The following CSMD1 variants were observed in gnomAD, a reference collection of about 807,000 sequenced individuals.
CSMD1 encodes the protein CUB and sushi domain-containing protein 1.
CSMD1 carries 213 observed loss-of-function variants against 417.5 expected under a neutral mutation model. That is an observed-to-expected ratio of 0.51 (90% CI 0.46 to 0.57). The LOEUF (loss-of-function observed/expected upper bound fraction) is 0.57. CSMD1 is among the 20% of genes least tolerant of loss of function. The probability of loss-of-function intolerance (pLI) is 0.00; values close to 1 mark genes in which losing one functional copy is unlikely to be tolerated. For missense variants in CSMD1, 6,923 were observed against 4,529.7 expected (o/e 1.53, Z -15.17); for synonymous variants, 2,862 against 1,736.8 (o/e 1.65, Z -16.11).
intron 68 of CSMD1, among the ~76,000 whole-genome samples, chr8:2,944,859 T>C (rs55949625): frequency 0.012 from 1,760 of 152,020 alleles, 29 homozygotes; most frequent in South Asian, 0.026. Context: ...TTTTTTAATC[T>C]GAAAACAAAG....
intron 5 of CSMD1, among the ~76,000 whole-genome samples, chr8:3,817,279 T>C (rs1160238621): frequency 0.015 from 1,023 of 69,744 alleles, 68 homozygotes; most frequent in African/African-American, 0.063. Context: ...TTTTTTTTTT[T>C]TTTTTTTTTT....
At chr8:3,490,591 C>A (rs951557559) in intron 11 of CSMD1, among the ~76,000 whole-genome samples, 1 of 152,022 alleles carries the variant, frequency 6.6e-6, no homozygotes, top group African/African-American at 2.4e-5. Flanking sequence ...TTTCTATTTC[C>A]CACAGGCTGG....
chr8:3,489,837 C>T (rs1818269259), intron 11 of CSMD1, among the ~76,000 whole-genome samples: 1 of 152,094 alleles, frequency 6.6e-6, no homozygotes, highest in African/African-American at 2.4e-5. Flanking sequence ...ATATTTCCCA[C>T]AAAATGGAAA....
At chr8:4,465,928 G>C (rs566153462) in intron 2 of CSMD1, among the ~76,000 whole-genome samples, 2 of 152,174 alleles carry the variant, frequency 1.3e-5, no homozygotes, top group Non-Finnish European at 1.5e-5. Context: ...AGAAGGAAAA[G>C]TCAGTAGAGA....
intron 3 of CSMD1, among the ~76,000 whole-genome samples, chr8:4,216,582 C>T (rs570257445): frequency 6.6e-6 from 1 of 152,252 alleles, no homozygotes; most frequent in East Asian, 1.9e-4. Context: ...CCAACGGAGC[C>T]CTCCAGATGG....
chr8:3,156,811 A>G (rs1819564203), intron 39 of CSMD1, among the ~76,000 whole-genome samples: 1 of 151,956 alleles, frequency 6.6e-6, no homozygotes, highest in African/African-American at 2.4e-5. Flanking sequence ...GTAGGTTAGG[A>G]TTCCATGGAG....
intron 12 of CSMD1, among the ~76,000 whole-genome samples, chr8:3,425,603 AAG>A (rs1813789433): frequency 3.3e-5 from 5 of 149,950 alleles, no homozygotes; most frequent in African/African-American, 7.4e-5. Flanking sequence ...AAAAAAAAAA[AAG>A]AAGAAAGAAA....
chr8:3,877,475 A>G (rs558702295), intron 5 of CSMD1, among the ~76,000 whole-genome samples: 2 of 152,218 alleles, frequency 1.3e-5, no homozygotes, highest in East Asian at 1.9e-4. Context: ...AGCTCTCTCA[A>G]TTTGCTTCTA....
intron 3 of CSMD1, among the ~76,000 whole-genome samples, chr8:4,051,117 AAAAAGAAAAG>A (rs150625475): frequency 6.6e-6 from 1 of 151,954 alleles, no homozygotes; most frequent in Non-Finnish European, 1.5e-5. Context: ...GAGAACCAGG[AAAAAGAAAAG>A]AAAAGAAAAG....
chr8:4,318,660 G>T (rs200118891), intron 3 of CSMD1, among the ~76,000 whole-genome samples: 1 of 121,764 alleles, frequency 8.2e-6, no homozygotes, highest in Non-Finnish European at 1.8e-5. Context: ...GTCACTGATT[G>T]TTTTTGATAT....
At chr8:4,987,481 G>A (rs7013059) in intron 1 of CSMD1, among the ~76,000 whole-genome samples, 6,850 of 152,220 alleles carry the variant, frequency 0.045, 200 homozygotes, top group South Asian at 0.068. Flanking sequence ...CAGACAAAAA[G>A]TTGTAGTTAT....
At chr8:4,793,848 A>C (rs57110784) in intron 1 of CSMD1, among the ~76,000 whole-genome samples, 1 of 151,468 alleles carries the variant, frequency 6.6e-6, no homozygotes, top group African/African-American at 2.4e-5. Context: ...AAAAAAAAAA[A>C]AAAAACTCCT....
chr8:4,005,173 C>A (rs1205383402), intron 4 of CSMD1, among the ~76,000 whole-genome samples: 2 of 152,094 alleles, frequency 1.3e-5, no homozygotes, highest in African/African-American at 2.4e-5. Context: ...TAAAAGACAA[C>A]ATATATGATG....
chr8:3,934,300 C>T (rs575254483), intron 5 of CSMD1, among the ~76,000 whole-genome samples: 7 of 152,048 alleles, frequency 4.6e-5, no homozygotes, highest in East Asian at 1.9e-4. Flanking sequence ...AAAGTGCCTA[C>T]TATGTATAAA....
intron 3 of CSMD1, among the ~76,000 whole-genome samples, chr8:4,150,926 T>C (rs1796540990): frequency 6.6e-6 from 1 of 152,202 alleles, no homozygotes. Flanking sequence ...CTCCTGTGCT[T>C]TAATTACAGT....
chr8:3,027,933 G>C (rs571414992), intron 51 of CSMD1, among the ~76,000 whole-genome samples: 1 of 152,178 alleles, frequency 6.6e-6, no homozygotes, highest in Admixed American at 6.5e-5. Flanking sequence ...TAAGGAGAAG[G>C]CTCTCCACTG....
intron 3 of CSMD1, among the ~76,000 whole-genome samples, chr8:4,166,631 A>G (rs1212078861): frequency 6.6e-6 from 1 of 152,148 alleles, no homozygotes; most frequent in Non-Finnish European, 1.5e-5. Flanking sequence ...AGCAGGGGAC[A>G]GAAGACTGCA....
chr8:4,777,451 C>T (rs2117174140), intron 1 of CSMD1, among the ~76,000 whole-genome samples: 1 of 152,258 alleles, frequency 6.6e-6, no homozygotes, highest in African/African-American at 2.4e-5. Context: ...TTGTTAGGGA[C>T]AGATGTGTGC....
At chr8:4,405,644 T>C (rs1056825663) in intron 3 of CSMD1, among the ~76,000 whole-genome samples, 3 of 152,210 alleles carry the variant, frequency 2.0e-5, no homozygotes, top group Non-Finnish European at 4.4e-5. Flanking sequence ...TGCTTGGCAT[T>C]GCATTATCCT....
Sources: allele counts gnomAD v4.1 joint callset (sites outside exome capture counted in the v4.1 genomes callset), GRCh38; gene constraint gnomAD v4.1.1; transcripts MANE v1.5; gene names NCBI Gene and HGNC (gene_info 2026-07-23, HGNC 2026-07-21).